The following SCAI variants were observed in gnomAD, a reference collection of about 807,000 sequenced individuals.
SCAI encodes the protein protein SCAI.
Under a neutral mutation model 92.2 loss-of-function variants are expected in SCAI, and 24 were observed. The observed-to-expected ratio is 0.26, with a 90% CI of 0.19 to 0.37. The LOEUF is 0.37. Ranked by LOEUF, SCAI falls within the 10% of genes least tolerant of loss-of-function variation. The pLI, the probability that SCAI is intolerant of heterozygous loss-of-function variation, is 1.00. For synonymous variants in SCAI, 261 were observed against 258.6 expected (o/e 1.01, Z -0.09); for missense variants, 450 against 736.2 (o/e 0.61, Z 4.50).
chr9:125,068,184 G>T (rs530872349), intron 2 of SCAI, among the ~76,000 whole-genome samples: 1 of 152,134 alleles, frequency 6.6e-6, no homozygotes. Context: ...CACTGTGATT[G>T]CAAGTTTTTA....
intron 2 of SCAI, among the ~76,000 whole-genome samples, chr9:125,085,840 T>A (rs768078146): frequency 6.6e-6 from 1 of 152,140 alleles, no homozygotes; most frequent in Admixed American, 6.5e-5. Context: ...AAATGTGCCA[T>A]GATGATAATG....
intron 2 of SCAI, among the ~76,000 whole-genome samples, chr9:125,105,276 A>G (rs1834753897): frequency 6.6e-6 from 1 of 152,200 alleles, no homozygotes; most frequent in Non-Finnish European, 1.5e-5. Context: ...AGCCTGGGTG[A>G]CAGAGTGAGA....
chr9:125,045,216 C>T (rs927367872), intron 3 of SCAI, among the ~76,000 whole-genome samples: 1 of 152,164 alleles, frequency 6.6e-6, no homozygotes, highest in African/African-American at 2.4e-5. Flanking sequence ...TAGACATGCA[C>T]CACCATGCCT....
chr9:125,046,182 TAAAG>T (rs2131118765), intron 3 of SCAI, among the ~76,000 whole-genome samples: 1 of 88,434 alleles, frequency 1.1e-5, no homozygotes, highest in African/African-American at 4.4e-5. Context: ...AACAAGTGAA[TAAAG>T]AAATTGTGAG....
intron 2 of SCAI, among the ~76,000 whole-genome samples, chr9:125,062,891 G>A (rs1233744786): frequency 1.2e-4 from 18 of 148,046 alleles, no homozygotes; most frequent in Non-Finnish European, 2.5e-4. Context: ...ATGGTGGCGC[G>A]TGCCTGTAAT....
chr9:125,020,542 A>G, intron 7 of SCAI, 131 bp downstream of exon 7: 1 of 499,248 alleles, frequency 2.0e-6, no homozygotes, highest in Non-Finnish European at 3.5e-6. Context: ...CCCTTGTCAG[A>G]AGTTACTATA....
chr9:125,048,352 A>C (rs1833489712), intron 3 of SCAI, among the ~76,000 whole-genome samples: 1 of 152,308 alleles, frequency 6.6e-6, no homozygotes, highest in South Asian at 2.1e-4. Flanking sequence ...CCTCAAAGGC[A>C]AGTCCAATTC....
chr9:125,128,740 G>A lies in SCAI; in HGVS notation c.98+13893C>T, dbSNP rs1172463404. On this transcript the variant is annotated intron_variant, in intron 2 of 17. Transcript: ENST00000336505. ...TGCACTCCAGCCTGGGCGACAGAGCGAAACTCCGTCTCAAAAAAAAAAAAT... is the reference window on the plus strand; with the variant it reads ...TGCACTCCAGCCTGGGCGACAGAGCAAAACTCCGTCTCAAAAAAAAAAAAT... Among the ~76,000 whole-genome samples, 10 of 146,308 alleles carry A rather than the reference G, an allele frequency of 6.8e-5. No homozygotes were observed. In the East Asian group the frequency reaches 1.6e-3, roughly 24 times the overall value.
chr9:124,983,320 T>C (rs74713194), intron 14 of SCAI, among the ~76,000 whole-genome samples: 1,736 of 152,268 alleles, frequency 0.011, 87 homozygotes, highest in Admixed American at 0.083. Context: ...AAACTCTATC[T>C]TCTGGAGCTG....
At chr9:124,960,451 A>C (rs1398745972) in intron 17 of SCAI, among the ~76,000 whole-genome samples, 1 of 152,196 alleles carries the variant, frequency 6.6e-6, no homozygotes, top group Non-Finnish European at 1.5e-5. Context: ...GAATGCCTGA[A>C]CTGTGGTATG....
Position 124,946,675 on chromosome 9 carries a change from C to T in SCAI, c.*6132G>A, listed in dbSNP as rs140061777. The T allele has an allele frequency of 1.7e-4, 26 of 152,314 alleles. No individual in the cohort carries two copies. The highest frequency in any genetic ancestry group is 6.3e-4 in the African/African-American group (26 of 41,574). The allele number at this position is 152,314 out of a possible 1,614,324, so 9.4% of individuals were successfully genotyped here. A position where few individuals can be genotyped will look rare whatever the true frequency, so the allele number is the denominator to read the frequency against. ...TGGCATTGCACGTATTTACTATCCT[C>T]TTATCCTCCCCAACCCTATCATCCT... On this transcript the variant is annotated 3_prime_UTR_variant, in exon 18 of 18. Transcript: ENST00000336505. This position sits in a 1 kb window ranked among gnomAD's most constrained non-coding sequence, Gnocchi z 4.0.
At chr9:125,086,461 T>C (rs1834328219) in intron 2 of SCAI, among the ~76,000 whole-genome samples, 2 of 152,230 alleles carry the variant, frequency 1.3e-5, no homozygotes, top group Non-Finnish European at 2.9e-5. Flanking sequence ...TCAGAGGGAA[T>C]GCTGAATAGC....
intron 13 of SCAI, 116 bp from the exon 14 acceptor site, chr9:124,995,131 A>G: frequency 1.5e-6 from 1 of 667,968 alleles, no homozygotes; most frequent in Non-Finnish European, 2.5e-6. Flanking sequence ...AGAAAAACAA[A>G]GACTAGTTAA....
At chr9:125,001,893 C>T (rs1392402259) in intron 12 of SCAI, 72 bp downstream of exon 12, 12 of 1,068,126 alleles carry the variant, frequency 1.1e-5, no homozygotes, top group Non-Finnish European at 1.6e-5. Flanking sequence ...CTGTGGGCTA[C>T]GGGCCATCGT....
intron 14 of SCAI, among the ~76,000 whole-genome samples, chr9:124,980,511 C>T (rs138099964): frequency 7.2e-5 from 11 of 152,286 alleles, no homozygotes; most frequent in African/African-American, 2.2e-4. Flanking sequence ...ATGGTTTATA[C>T]TGAACACCTG....
intron 2 of SCAI, among the ~76,000 whole-genome samples, chr9:125,079,552 T>C (rs1225729323): frequency 6.6e-6 from 1 of 152,178 alleles, no homozygotes; most frequent in East Asian, 1.9e-4. Flanking sequence ...TCAAATTTCA[T>C]ACAGAAAGTA....
At chr9:124,994,378 A>G (rs1412414348) in intron 14 of SCAI, among the ~76,000 whole-genome samples, 1 of 152,216 alleles carries the variant, frequency 6.6e-6, no homozygotes, top group African/African-American at 2.4e-5. Flanking sequence ...TCATCACTTC[A>G]ATAGTGAAAT....
intron 9 of SCAI, among the ~76,000 whole-genome samples, chr9:125,005,697 C>G (rs978149807): frequency 2.0e-5 from 3 of 152,130 alleles, no homozygotes; most frequent in African/African-American, 7.2e-5. Flanking sequence ...CCTTGTTTTC[C>G]TGTAGTAAGG....
intron 15 of SCAI, chr9:124,975,320 A>G: frequency 2.2e-6 from 1 of 456,652 alleles, no homozygotes; most frequent in Non-Finnish European, 4.4e-6. Flanking sequence ...GTGTCAAACT[A>G]TGTCAGCAGA....
Sources: allele counts gnomAD v4.1 joint callset (sites outside exome capture counted in the v4.1 genomes callset), GRCh38; gene constraint gnomAD v4.1.1; non-coding constraint Gnocchi (gnomAD v3.1); transcripts MANE v1.5; gene names NCBI Gene and HGNC (gene_info 2026-07-23, HGNC 2026-07-21).